The following EMID1 variants were observed in gnomAD, a reference collection of about 807,000 sequenced individuals.
EMID1 encodes EMI domain-containing protein 1.
In EMID1, 40 loss-of-function variants were observed where a neutral mutation model predicts 60.6. That is an observed-to-expected ratio of 0.66 (90% CI 0.51 to 0.86). The LOEUF is 0.86. Among genes scored for constraint, EMID1 ranks in the 40% least tolerant of loss-of-function variants. The pLI is 0.00. For missense variants in EMID1, 585 were observed against 597.1 expected, an observed-to-expected ratio of 0.98 and a Z score of 0.21; for synonymous variants, 242 against 231.0, an observed-to-expected ratio of 1.05 and a Z score of -0.43.
In EMID1 at chr22:29,246,635, G is replaced by A. The variant is rs190161024; in HGVS notation, c.1119+3146G>A. Among the ~76,000 whole-genome samples the A allele has an allele frequency of 2.6e-5, 4 of 152,290 alleles. No homozygotes were observed. In the East Asian group the frequency reaches 7.7e-4, roughly 29 times the overall value. ...GAGTTTTGTCTGTGGACCAACGGGAGGAGTCTGTGTTACAGCCAAGTAGGG... is the reference window on the plus strand; with the variant it reads ...GAGTTTTGTCTGTGGACCAACGGGAAGAGTCTGTGTTACAGCCAAGTAGGG... On this transcript the variant is annotated intron_variant, in intron 13 of 14. Coordinates refer to ENST00000334018, the MANE Select transcript of EMID1 (RefSeq NM_133455.4).
At chr22:29,212,092 TCTC>T (rs1228851052) in intron 1 of EMID1, among the ~76,000 whole-genome samples, 4 of 152,060 alleles carry the variant, frequency 2.6e-5, no homozygotes, top group Non-Finnish European at 2.9e-5. Context: ...TTCAAACAAT[TCTC>T]CTGCTTCAGC....
intron 7 of EMID1, 152 bp downstream of exon 7, chr22:29,231,834 C>G: frequency 1.4e-6 from 1 of 706,626 alleles, no homozygotes; most frequent in Non-Finnish European, 2.2e-6. Flanking sequence ...CCTGCCCACG[C>G]CTGGGCTCCA....
intron 14 of EMID1, among the ~76,000 whole-genome samples, chr22:29,256,184 A>C (rs1232074626): frequency 6.6e-6 from 1 of 152,028 alleles, no homozygotes; most frequent in East Asian, 1.9e-4. Context: ...TATTTTAAAG[A>C]CTGAGAGGCC....
chr22:29,220,665 G>C (rs549409928), intron 3 of EMID1, among the ~76,000 whole-genome samples: 2 of 151,846 alleles, frequency 1.3e-5, no homozygotes, highest in African/African-American at 4.8e-5. Flanking sequence ...TTCACACCCC[G>C]AATCCCCAAC....
chr22:29,252,748 C>G (rs5752893), intron 13 of EMID1, among the ~76,000 whole-genome samples: 2 of 152,138 alleles, frequency 1.3e-5, no homozygotes, highest in Non-Finnish European at 2.9e-5. Flanking sequence ...TCCCTGGGGT[C>G]TGGGAGCCAG....
intron 3 of EMID1, among the ~76,000 whole-genome samples, chr22:29,218,610 G>A (rs922835934): frequency 1.1e-4 from 16 of 152,158 alleles, no homozygotes; most frequent in Admixed American, 7.9e-4. Flanking sequence ...GAAACAATGG[G>A]TGAGGAAGAA....
At chr22:29,255,186 G>GCCCCCCCCCCCCCC in intron 14 of EMID1, 1 of 425,448 alleles carries the variant, frequency 2.4e-6, no homozygotes, top group South Asian at 3.3e-5. Flanking sequence ...AGCTGGCAGT[G>GCCCCCCCCCCCCCC]CCCTCCCACC....
intron 4 of EMID1, 163 bp from the exon 5 acceptor site, chr22:29,226,327 G>A: frequency 1.5e-6 from 1 of 663,238 alleles, no homozygotes; most frequent in Non-Finnish European, 2.4e-6. Context: ...GGTCCCCCTG[G>A]ACCCACTGTG....
chr22:29,206,746 C>G (rs2039674070), intron 1 of EMID1, among the ~76,000 whole-genome samples: 1 of 152,176 alleles, frequency 6.6e-6, no homozygotes, highest in South Asian at 2.1e-4. Context: ...CTCCCAGAAC[C>G]TGACATGGTG....
chr22:29,243,221 C>T (rs1054349601), intron 12 of EMID1, among the ~76,000 whole-genome samples: 1 of 152,186 alleles, frequency 6.6e-6, no homozygotes, highest in Non-Finnish European at 1.5e-5. Context: ...TTACCCAATG[C>T]CATTCCCTTC....
Position 29,254,226 on chromosome 22 carries a change from C to A in EMID1, c.1143C>A (p.Arg381=), listed in dbSNP as rs368779312. 1.2e-6 allele frequency: 2 copies of A among 1,614,148 alleles called. No homozygotes were observed. The highest frequency in any genetic ancestry group is 1.7e-5 in the Admixed American group (1 of 60,026). Residue 381 remains arginine, a synonymous_variant, in exon 14 of 15, where the codon CGC becomes CGA. Coordinates refer to ENST00000334018, the MANE Select transcript of EMID1 (RefSeq NM_133455.4). ...SHWGEGLHQL[R]EALKILAERV... The stretch of plus-strand genomic sequence containing the variant: ...AGGGGGAGGGGTTGCACCAGCTACG[C>A]GAGGCTTTGAAGATTTTAGCTGAGA...
At chr22:29,249,447 A>T (rs952543588) in intron 13 of EMID1, among the ~76,000 whole-genome samples, 3 of 151,946 alleles carry the variant, frequency 2.0e-5, no homozygotes, top group Admixed American at 6.6e-5. Flanking sequence ...TAATTTTTGT[A>T]CTTTTAGTAA....
intron 1 of EMID1, among the ~76,000 whole-genome samples, chr22:29,211,756 G>A (rs1047040521): frequency 4.6e-5 from 7 of 152,188 alleles, no homozygotes; most frequent in Admixed American, 6.5e-5. Context: ...CAGAGCTTCC[G>A]ACTGTCCTCT....
chr22:29,249,918 A>C (rs1159951487), intron 13 of EMID1, among the ~76,000 whole-genome samples: 1 of 151,950 alleles, frequency 6.6e-6, no homozygotes, highest in African/African-American at 2.4e-5. Flanking sequence ...CCTGGCCCCC[A>C]AAATGCCTTT....
At chr22:29,209,374 G>A (rs953652062) in intron 1 of EMID1, among the ~76,000 whole-genome samples, 2 of 152,076 alleles carry the variant, frequency 1.3e-5, no homozygotes, top group Non-Finnish European at 2.9e-5. Flanking sequence ...CCCAGCCCCT[G>A]CCCTCACCAA....
rs1305803421 is a variant in EMID1 at position 29,213,732 on chromosome 22, C to G, written c.102-1194C>G. ...GATGGTTTCAGGTGACCCTTCTCAG[C>G]CTGGGTCCCCCACCCCTCCCAGACT... On this transcript the variant is annotated intron_variant, in intron 1 of 14. Transcript: ENST00000334018. 2.0e-5 allele frequency among the ~76,000 whole-genome samples: 3 copies of G among 152,160 alleles called. No individual in the cohort carries two copies. In the East Asian group the frequency reaches 5.8e-4, roughly 29 times the overall value.
chr22:29,223,170 AGACAAGGTCCCT>A (rs1173281811), intron 3 of EMID1, among the ~76,000 whole-genome samples: 2 of 152,258 alleles, frequency 1.3e-5, no homozygotes, highest in African/African-American at 4.8e-5. Context: ...AGCACAAAAC[AGACAAGGTCCCT>A]GCCCTAGTGG....
intron 12 of EMID1, among the ~76,000 whole-genome samples, chr22:29,239,336 A>T (rs2041073275): frequency 8.9e-6 from 1 of 112,838 alleles, no homozygotes; most frequent in Non-Finnish European, 1.7e-5. Context: ...TTACCATGTT[A>T]CCCAGGCTGG....
At chr22:29,258,094 G>A (rs2041769440) in intron 14 of EMID1, among the ~76,000 whole-genome samples, 1 of 152,144 alleles carries the variant, frequency 6.6e-6, no homozygotes, top group Admixed American at 6.6e-5. Flanking sequence ...TCCTATGGAG[G>A]CTTAGCCAAG....
Sources: gnomAD v4.1 joint callset for allele counts (sites outside exome capture counted in the v4.1 genomes callset) on GRCh38, gnomAD v4.1.1 for gene constraint, MANE v1.5 for transcripts, NCBI Gene and HGNC (gene_info 2026-07-23, HGNC 2026-07-21) for gene names.